The following GRIK2 variants were observed in gnomAD, a reference collection of about 807,000 sequenced individuals.
GRIK2 encodes glutamate ionotropic receptor kainate type subunit 2, also known as glutamate receptor ionotropic, kainate 2.
Under a neutral mutation model 100.3 loss-of-function variants are expected in GRIK2, and 32 were observed. That is an observed-to-expected ratio of 0.32 (90% CI 0.24 to 0.43). The LOEUF (loss-of-function observed/expected upper bound fraction) is 0.43. Among genes scored for constraint, GRIK2 ranks in the 20% least tolerant of loss-of-function variants. The probability of loss-of-function intolerance (pLI) is 1.00; values close to 1 mark genes in which losing one functional copy is unlikely to be tolerated. For missense variants in GRIK2, 843 were observed against 1,114.9 expected, an observed-to-expected ratio of 0.76 and a Z score of 3.47; for synonymous variants, 417 against 389.4, an observed-to-expected ratio of 1.07 and a Z score of -0.83.
chr6:101,861,766 CA>C (rs1784747114), intron 11 of GRIK2, among the ~76,000 whole-genome samples: 1 of 152,072 alleles, frequency 6.6e-6, no homozygotes, highest in Non-Finnish European at 1.5e-5. Context: ...ATTACACATA[CA>C]GGGGACAAAG....
At chr6:101,620,614 T>C (rs1780110050) in intron 2 of GRIK2, among the ~76,000 whole-genome samples, 1 of 152,174 alleles carries the variant, frequency 6.6e-6, no homozygotes, top group Non-Finnish European at 1.5e-5. Context: ...AAAATATCTT[T>C]GATGAGGTAT....
intron 4 of GRIK2, among the ~76,000 whole-genome samples, chr6:101,636,141 C>T (rs1293595881): frequency 1.3e-5 from 2 of 152,024 alleles, no homozygotes; most frequent in East Asian, 1.9e-4. Context: ...AAATGTGGCA[C>T]ATATAAACTA....
At chr6:101,876,599 G>C (rs866617409) in intron 11 of GRIK2, among the ~76,000 whole-genome samples, 5 of 151,636 alleles carry the variant, frequency 3.3e-5, no homozygotes, top group African/African-American at 9.7e-5. Flanking sequence ...TGGAAGCTTA[G>C]CAAAGTTCAA....
chr6:102,043,571 T>C (rs1224093585), intron 15 of GRIK2, among the ~76,000 whole-genome samples: 1 of 151,926 alleles, frequency 6.6e-6, no homozygotes, highest in Non-Finnish European at 1.5e-5. Context: ...ATCTAGGTTG[T>C]CGCAAATGAC....
At chr6:101,439,327 A>G (rs532189304) in intron 2 of GRIK2, among the ~76,000 whole-genome samples, 76 of 152,250 alleles carry the variant, frequency 5.0e-4, no homozygotes, top group African/African-American at 1.7e-3. Context: ...CATAAAGAGC[A>G]TCTTGAGGCC....
At chr6:101,738,701 T>TA in intron 7 of GRIK2, among the ~76,000 whole-genome samples, 2 of 152,284 alleles carry the variant, frequency 1.3e-5, no homozygotes, top group Middle Eastern at 6.8e-3. Flanking sequence ...GCTAGATAAC[T>TA]CTTTGCTGTG....
At chr6:101,423,012 T>C (rs1233078520) in intron 2 of GRIK2, among the ~76,000 whole-genome samples, 2 of 152,190 alleles carry the variant, frequency 1.3e-5, no homozygotes, top group African/African-American at 4.8e-5. Context: ...GGGATGCAGA[T>C]GGGCTGTGCA....
At position 101,718,643 on chromosome 6, in the gene GRIK2, A is replaced by G. The variant is rs1244218245; in HGVS notation, c.951+32290A>G. Among the ~76,000 whole-genome samples, 3 of 152,004 alleles carry G rather than the reference A, an allele frequency of 2.0e-5. No individual in the cohort carries two copies. The East Asian group carries it at 5.8e-4, about 30-fold the overall frequency. ...GTGTATTGTGAAAAATCTTCGAGAGATCATGCTGCCAATATGTCAAGGATT... is the reference window on the plus strand; with the variant it reads ...GTGTATTGTGAAAAATCTTCGAGAGGTCATGCTGCCAATATGTCAAGGATT... On this transcript the variant is annotated intron_variant, in intron 7 of 16. Coordinates refer to ENST00000369134, the MANE Select transcript of GRIK2 (RefSeq NM_021956.5).
At chr6:102,030,317 A>G (rs978480134) in intron 14 of GRIK2, among the ~76,000 whole-genome samples, 2 of 151,168 alleles carry the variant, frequency 1.3e-5, no homozygotes, top group African/African-American at 4.8e-5. Context: ...ACATGCTCAA[A>G]TCTCTTCAAT....
At chr6:101,909,026 A>G (rs75109556) in intron 12 of GRIK2, among the ~76,000 whole-genome samples, 8,261 of 151,376 alleles carry the variant, frequency 0.055, 300 homozygotes, top group Admixed American at 0.12. Flanking sequence ...CTTCAAAAAA[A>G]TAATTTTAAA....
intron 14 of GRIK2, among the ~76,000 whole-genome samples, chr6:102,000,105 T>C (rs1182546580): frequency 6.6e-6 from 1 of 152,064 alleles, no homozygotes; most frequent in Non-Finnish European, 1.5e-5. Context: ...GGTCTAAAGT[T>C]TGCTTCTGTT....
chr6:101,423,706 C>G (rs1299577675), intron 2 of GRIK2, among the ~76,000 whole-genome samples: 1 of 152,032 alleles, frequency 6.6e-6, no homozygotes, highest in Non-Finnish European at 1.5e-5. Flanking sequence ...TGATATTAAT[C>G]CCTTATAGAA....
rs1480636381 is a variant in GRIK2 at position 101,599,144 on chromosome 6, C to G, written c.116-22805C>G. 1.3e-5 allele frequency among the ~76,000 whole-genome samples: 2 copies of G among 151,700 alleles called. 1 individual carries two copies. The highest frequency in any genetic ancestry group is 4.1e-4 in the South Asian group (2 of 4,820). On this transcript the variant is annotated intron_variant, in intron 2 of 16. Coordinates refer to ENST00000369134, the MANE Select transcript of GRIK2 (RefSeq NM_021956.5). ...GTCCATGAGCATCCAATATTTAGCA[C>G]CCACTTATAAGTGAAAATATGTGGT... is the stretch of plus-strand genomic sequence containing the variant.
At chr6:101,434,605 A>G (rs939268234) in intron 2 of GRIK2, among the ~76,000 whole-genome samples, 1 of 152,174 alleles carries the variant, frequency 6.6e-6, no homozygotes, top group Non-Finnish European at 1.5e-5. Context: ...CAGTTTGAAT[A>G]TTAACCTTCT....
At chr6:101,720,023 T>G (rs2128364585) in intron 7 of GRIK2, among the ~76,000 whole-genome samples, 1 of 152,052 alleles carries the variant, frequency 6.6e-6, no homozygotes, top group South Asian at 2.1e-4. Flanking sequence ...ATTCACTCAT[T>G]CATTTTAAGA....
At chr6:101,605,888 A>G (rs1779418948) in intron 2 of GRIK2, among the ~76,000 whole-genome samples, 1 of 152,032 alleles carries the variant, frequency 6.6e-6, no homozygotes, top group African/African-American at 2.4e-5. Context: ...CACAGGGTAG[A>G]AATATAATTA....
chr6:101,725,149 G>T lies in GRIK2; in HGVS notation c.951+38796G>T, dbSNP rs114326963. On this transcript the variant is annotated intron_variant, in intron 7 of 16. Coordinates refer to ENST00000369134, the MANE Select transcript of GRIK2 (RefSeq NM_021956.5). ...ATAATCATTCATATATTAAGTGGCT[G>T]CCCTTATACTCAGCAAATCTGTTCC... Among the ~76,000 whole-genome samples, 504 of 152,166 alleles carry T rather than the reference G, an allele frequency of 3.3e-3. 6 individuals carry two copies. Among genetic ancestry groups the T allele is most frequent in the African/African-American group, 0.011 (457 of 41,548 alleles).
chr6:101,817,506 C>T (rs78485413), intron 9 of GRIK2, among the ~76,000 whole-genome samples: 1 of 152,128 alleles, frequency 6.6e-6, no homozygotes, highest in Admixed American at 6.5e-5. Context: ...ACTGATTTCA[C>T]ATCTTCTTTT....
At chr6:101,412,156 T>C (rs565855952) in intron 2 of GRIK2, among the ~76,000 whole-genome samples, 1 of 152,188 alleles carries the variant, frequency 6.6e-6, no homozygotes, top group East Asian at 1.9e-4. Context: ...TCTCTGGACC[T>C]TTGTTACATC....
Sources: gnomAD v4.1 joint callset for allele counts (sites outside exome capture counted in the v4.1 genomes callset) on GRCh38, gnomAD v4.1.1 for gene constraint, MANE v1.5 for transcripts, NCBI Gene and HGNC (gene_info 2026-07-23, HGNC 2026-07-21) for gene names.